SMIM14: variants seen among roughly 807,000 people sequenced by gnomAD.
The protein encoded by SMIM14 is chromosome 4 open reading frame 34.
A neutral mutation model predicts 12.6 loss-of-function variants in SMIM14; 5 were observed. The observed-to-expected ratio is 0.40, with a 90% CI of 0.21 to 0.83. The LOEUF (loss-of-function observed/expected upper bound fraction) is 0.83. SMIM14 is among the 40% of genes least tolerant of loss of function. The pLI is 0.37. For missense variants in SMIM14, 86 were observed against 119.1 expected, an observed-to-expected ratio of 0.72 and a Z score of 1.29; for synonymous variants, 30 against 40.1, an observed-to-expected ratio of 0.75 and a Z score of 0.95.
At chr4:39,592,427 T>TAA (rs1714152462) in intron 2 of SMIM14, among the ~76,000 whole-genome samples, 1 of 152,092 alleles carries the variant, frequency 6.6e-6, no homozygotes, top group Non-Finnish European at 1.5e-5. Flanking sequence ...AACTTATATA[T>TAA]AACCAGTGAT....
intron 4 of SMIM14, 127 bp downstream of exon 4, chr4:39,556,301 G>A (rs921930589): frequency 9.7e-6 from 8 of 821,660 alleles, no homozygotes; most frequent in African/African-American, 8.6e-5. Context: ...AACTACATAG[G>A]TAGAATACTC....
At chr4:39,625,644 T>C (rs1052120713) in intron 1 of SMIM14, among the ~76,000 whole-genome samples, 1 of 152,192 alleles carries the variant, frequency 6.6e-6, no homozygotes, top group Non-Finnish European at 1.5e-5. Context: ...TTTCACCATG[T>C]TGGTCAGGCT....
chr4:39,615,885 C>G (rs185742227), intron 1 of SMIM14, among the ~76,000 whole-genome samples: 1 of 152,304 alleles, frequency 6.6e-6, no homozygotes, highest in African/African-American at 2.4e-5. Flanking sequence ...TTCTATCACT[C>G]TGTCCTAAGG....
intron 2 of SMIM14, among the ~76,000 whole-genome samples, chr4:39,600,207 T>G (rs1429574146): frequency 6.6e-6 from 1 of 152,092 alleles, no homozygotes; most frequent in Non-Finnish European, 1.5e-5. Context: ...CTATTTCCCA[T>G]GCCAGGCTCT....
intron 2 of SMIM14, among the ~76,000 whole-genome samples, chr4:39,582,202 C>T (rs1413104907): frequency 2.0e-5 from 3 of 151,974 alleles, no homozygotes; most frequent in South Asian, 4.2e-4. Context: ...TAAACTATAA[C>T]CAACACACTG....
chr4:39,628,149 A>ATATTTT, intron 1 of SMIM14, among the ~76,000 whole-genome samples: 1 of 151,910 alleles, frequency 6.6e-6, no homozygotes. Flanking sequence ...TCGACTAAAA[A>ATATTTT]TACAAAAATT....
At position 39,608,173 on chromosome 4, in the gene SMIM14, T is replaced by C. The variant is rs116148645; in HGVS notation, c.-35-2993A>G. 5.8e-3 allele frequency among the ~76,000 whole-genome samples: 886 copies of C among 152,258 alleles called. 11 individuals are homozygous for C. The highest frequency in any genetic ancestry group is 0.02 in the African/African-American group (819 of 41,550). ...ACTCATAGGTATATACCTAAGAGAT[T>C]TGAAAACATAGACTCAAGATTGGGC... is the stretch of plus-strand genomic sequence containing the variant. On this transcript the variant is annotated intron_variant, in intron 1 of 4. Coordinates refer to ENST00000295958, the MANE Select transcript of SMIM14 (RefSeq NM_174921.3).
intron 2 of SMIM14, among the ~76,000 whole-genome samples, chr4:39,577,108 G>C (rs1281315628): frequency 1.4e-5 from 2 of 147,196 alleles, no homozygotes; most frequent in Non-Finnish European, 3.0e-5. Context: ...TTAGCACTTT[G>C]GGAGGCCAAG....
chr4:39,617,428 C>A (rs1391035347), intron 1 of SMIM14, among the ~76,000 whole-genome samples: 1 of 152,168 alleles, frequency 6.6e-6, no homozygotes, highest in African/African-American at 2.4e-5. Flanking sequence ...CAGTAAGTTT[C>A]TTGTTCTCTC....
chr4:39,605,192 GA>G lies in SMIM14; in HGVS notation c.-35-13del, dbSNP rs771787862. The stretch of plus-strand genomic sequence containing the variant: ...TTGACTGTTTAAATCTAGGAGGAAG[GA>G]AAAAATACTGTTAAGTCTACAATTC... On this transcript the variant is annotated splice_polypyrimidine_tract_variant and intron_variant, in intron 1 of 4. Coordinates refer to ENST00000295958, the MANE Select transcript of SMIM14 (RefSeq NM_174921.3). 1 of 1,456,606 alleles carries G rather than the reference GA, an allele frequency of 6.9e-7. No individual in the cohort carries two copies. Among genetic ancestry groups the G allele is most frequent in the South Asian group, 1.2e-5 (1 of 81,604 alleles). 90.2% of individuals were successfully genotyped at this position (1,456,606 alleles called of 1,614,324 possible). A position where few individuals can be genotyped will look rare whatever the true frequency, so the allele number is the denominator to read the frequency against.
intron 2 of SMIM14, among the ~76,000 whole-genome samples, chr4:39,599,933 CAAAAAAAAAAAAA>C (rs56285045): frequency 8.7e-6 from 1 of 115,078 alleles, no homozygotes. Flanking sequence ...AAAACAACAA[CAAAAAAAAAAAAA>C]AAAAAGAAAA....
rs185926099 is a variant in SMIM14 at position 39,606,702 on chromosome 4, C to T, written c.-35-1522G>A. ...ACAAAGAATAGTGACACCTGAGAGA[C>T]GGAAAAACAAATGAGATGAGCCCTA... is the stretch of plus-strand genomic sequence containing the variant. On this transcript the variant is annotated intron_variant, in intron 1 of 4. Coordinates refer to ENST00000295958, the MANE Select transcript of SMIM14 (RefSeq NM_174921.3). Among the ~76,000 whole-genome samples the T allele has an allele frequency of 2.8e-4, 43 of 150,902 alleles. No individual in the cohort carries two copies. The South Asian group carries it at 2.9e-3, about 10-fold the overall frequency.
intron 2 of SMIM14, among the ~76,000 whole-genome samples, chr4:39,603,748 C>T (rs765931169): frequency 1.3e-5 from 2 of 151,814 alleles, no homozygotes; most frequent in African/African-American, 2.4e-5. Context: ...CAGTGGTTCA[C>T]GCCTGTAATC....
chr4:39,554,300 C>T (rs1039361383), intron 4 of SMIM14, among the ~76,000 whole-genome samples: 1 of 152,174 alleles, frequency 6.6e-6, no homozygotes, highest in Non-Finnish European at 1.5e-5. Context: ...TGGCGAAACC[C>T]TGTATCTACT....
intron 2 of SMIM14, among the ~76,000 whole-genome samples, chr4:39,576,684 A>G (rs10527433): frequency 3.9e-5 from 1 of 25,544 alleles, no homozygotes; most frequent in Non-Finnish European, 6.7e-5. Context: ...ATATATATAT[A>G]TTTTTTTTTT....
chr4:39,584,504 A>AAAAAAAAAAAAAAAAAAAAAAC (rs1331422431), intron 2 of SMIM14, among the ~76,000 whole-genome samples: 1 of 143,416 alleles, frequency 7.0e-6, no homozygotes. Context: ...AAAAAAAAAA[A>AAAAAAAAAAAAAAAAAAAAAAC]AGACAAACAG....
At chr4:39,556,303 A>G in intron 4 of SMIM14, 125 bp downstream of exon 4, 1 of 834,440 alleles carries the variant, frequency 1.2e-6, no homozygotes, top group East Asian at 2.6e-5. Flanking sequence ...CTACATAGGT[A>G]GAATACTCTA....
intron 1 of SMIM14, among the ~76,000 whole-genome samples, chr4:39,606,854 G>A (rs530735690): frequency 5.3e-5 from 8 of 152,052 alleles, no homozygotes; most frequent in Non-Finnish European, 1.2e-4. Flanking sequence ...ATATTAAGGA[G>A]AGACATTAAA....
intron 2 of SMIM14, among the ~76,000 whole-genome samples, chr4:39,583,300 G>A (rs34183196): frequency 0.086 from 13,047 of 152,004 alleles, 742 homozygotes; most frequent in African/African-American, 0.14. Context: ...GTCTCACTGT[G>A]TTGCCCAGGC....
Sources: allele counts gnomAD v4.1 joint callset (sites outside exome capture counted in the v4.1 genomes callset), GRCh38; gene constraint gnomAD v4.1.1; transcripts MANE v1.5; gene names NCBI Gene and HGNC (gene_info 2026-07-23, HGNC 2026-07-21).